GFRA2: variants seen among roughly 807,000 people sequenced by gnomAD.
The protein encoded by GFRA2 is GDNF family receptor alpha-2.
Under a neutral mutation model 48.3 loss-of-function variants are expected in GFRA2, and 17 were observed. That is an observed-to-expected ratio of 0.35 (90% confidence interval 0.24 to 0.53). The LOEUF is 0.53. GFRA2 is among the 20% of genes least tolerant of loss of function. GFRA2 has a pLI of 0.93. For missense variants in GFRA2, 660 were observed against 637.3 expected (o/e 1.04, Z -0.38); for synonymous variants, 305 against 257.2 (o/e 1.19, Z -1.78).
At chr8:21,802,241 C>T (rs1807785365) in intron 2 of GFRA2, among the ~76,000 whole-genome samples, 1 of 152,250 alleles carries the variant, frequency 6.6e-6, no homozygotes, top group Non-Finnish European at 1.5e-5. Context: ...TTGGTTAAAA[C>T]AGGGACAATG....
chr8:21,760,363 G>C (rs1277826815), intron 3 of GFRA2, among the ~76,000 whole-genome samples: 3 of 152,284 alleles, frequency 2.0e-5, no homozygotes, highest in Admixed American at 1.3e-4. Context: ...GGCTGGGGTG[G>C]GGTGGTGACT....
intron 2 of GFRA2, among the ~76,000 whole-genome samples, chr8:21,802,160 C>T (rs889237762): frequency 7.9e-5 from 12 of 152,220 alleles, no homozygotes; most frequent in East Asian, 7.7e-4. Flanking sequence ...ACTCAGGAGA[C>T]GGGGCTCACC....
At chr8:21,702,763 G>A (rs1802544355) in intron 7 of GFRA2, 42 bp downstream of exon 7, 2 of 1,529,606 alleles carry the variant, frequency 1.3e-6, no homozygotes, top group Non-Finnish European at 1.8e-6. Flanking sequence ...GCCACTTCCG[G>A]TGCCATGGTG....
chr8:21,715,983 T>G (rs1220638963), intron 4 of GFRA2, among the ~76,000 whole-genome samples: 1 of 152,178 alleles, frequency 6.6e-6, no homozygotes, highest in African/African-American at 2.4e-5. Context: ...AGCCAATTGA[T>G]TCTGTTTTTA....
At chr8:21,723,034 C>T (rs190455281) in intron 4 of GFRA2, among the ~76,000 whole-genome samples, 7 of 152,306 alleles carry the variant, frequency 4.6e-5, no homozygotes, top group East Asian at 1.9e-4. Context: ...CGTTACCAAC[C>T]GTCTCAAAAC....
At chr8:21,736,856 C>G (rs936989410) in intron 4 of GFRA2, among the ~76,000 whole-genome samples, 4 of 135,460 alleles carry the variant, frequency 3.0e-5, no homozygotes, top group African/African-American at 1.1e-4. Flanking sequence ...AAGTGAATTT[C>G]ATTTTGAGAA....
chr8:21,728,841 A>C (rs1255995842), intron 4 of GFRA2, among the ~76,000 whole-genome samples: 1 of 152,232 alleles, frequency 6.6e-6, no homozygotes, highest in Non-Finnish European at 1.5e-5. Flanking sequence ...TTTGACATGG[A>C]AATTCCTAAA....
At chr8:21,730,130 C>T (rs1207319322) in intron 4 of GFRA2, among the ~76,000 whole-genome samples, 1 of 152,064 alleles carries the variant, frequency 6.6e-6, no homozygotes, top group Non-Finnish European at 1.5e-5. Context: ...CCCGGCCAGG[C>T]GCGGTGGCTC....
At chr8:21,723,708 T>C (rs6587002) in intron 4 of GFRA2, among the ~76,000 whole-genome samples, 61,390 of 151,986 alleles carry the variant, frequency 0.4, 15,054 homozygotes, top group African/African-American at 0.7. Context: ...CTGGGAAATT[T>C]TGCAGCAAGA....
Position 21,744,425 on chromosome 8 carries a change from T to A in GFRA2, c.794+6163A>T, listed in dbSNP as rs534242615. ...ATGGCACGGAGCCAGCAAGGAGTTATTTATGTTCTCTTGGCAGACTAAGAG... is the reference window on the plus strand; with the variant it reads ...ATGGCACGGAGCCAGCAAGGAGTTAATTATGTTCTCTTGGCAGACTAAGAG... On this transcript the variant is annotated intron_variant, in intron 4 of 8. Transcript: ENST00000524240. Among the ~76,000 whole-genome samples, 10 of 152,180 alleles carry A rather than the reference T, an allele frequency of 6.6e-5. No individual in the cohort carries two copies. In the South Asian group the frequency reaches 2.1e-3, roughly 32 times the overall value.
upstream of GFRA2, among the ~76,000 whole-genome samples, chr8:21,791,180 A>G (rs1403763655): frequency 1.3e-5 from 2 of 152,130 alleles, no homozygotes; most frequent in African/African-American, 4.8e-5. Flanking sequence ...TGAATCATAT[A>G]TGTAGTTCTC....
chr8:21,757,406 G>T (rs1805622176), intron 3 of GFRA2, among the ~76,000 whole-genome samples: 1 of 152,020 alleles, frequency 6.6e-6, no homozygotes, highest in Non-Finnish European at 1.5e-5. Context: ...TTTATATTGA[G>T]CTGGGTTTAC....
intron 1 of GFRA2, among the ~76,000 whole-genome samples, chr8:21,809,569 C>T (rs1207875305): frequency 1.3e-5 from 2 of 152,076 alleles, no homozygotes; most frequent in African/African-American, 2.4e-5. Flanking sequence ...CCTCGTGATC[C>T]GCCCGCCTCG....
chr8:21,773,030 A>C (rs1488383916), intron 3 of GFRA2, among the ~76,000 whole-genome samples: 1 of 152,258 alleles, frequency 6.6e-6, no homozygotes, highest in Non-Finnish European at 1.5e-5. Flanking sequence ...TGTGCCCACC[A>C]TAGCATCCAC....
chr8:21,697,802 T>C (rs1443367325), intron 7 of GFRA2, among the ~76,000 whole-genome samples: 1 of 152,140 alleles, frequency 6.6e-6, no homozygotes, highest in Non-Finnish European at 1.5e-5. Flanking sequence ...AGTGAGTAAG[T>C]CCCATGAGAT....
chr8:21,757,999 T>C (rs1216515025), intron 3 of GFRA2, among the ~76,000 whole-genome samples: 3 of 152,176 alleles, frequency 2.0e-5, no homozygotes, highest in Non-Finnish European at 4.4e-5. Flanking sequence ...TGGTGTGCAA[T>C]GCACTCGGAG....
upstream of GFRA2, among the ~76,000 whole-genome samples, chr8:21,793,356 T>A (rs1807611507): frequency 6.6e-6 from 1 of 151,924 alleles, no homozygotes; most frequent in Non-Finnish European, 1.5e-5. Flanking sequence ...GTAATGAGGG[T>A]CCAACAGGGA....
At chr8:21,811,587 T>C (rs1368191630) in intron 1 of GFRA2, among the ~76,000 whole-genome samples, 1 of 152,014 alleles carries the variant, frequency 6.6e-6, no homozygotes, top group Non-Finnish European at 1.5e-5. Context: ...GAGCTTTACA[T>C]TCCCCATGTC....
At chr8:21,733,421 G>A (rs1170306926) in intron 4 of GFRA2, among the ~76,000 whole-genome samples, 1 of 152,174 alleles carries the variant, frequency 6.6e-6, no homozygotes, top group African/African-American at 2.4e-5. Flanking sequence ...TTCTTCCCCA[G>A]CATCGGCTTA....
Sources: allele counts gnomAD v4.1 joint callset (sites outside exome capture counted in the v4.1 genomes callset), GRCh38; gene constraint gnomAD v4.1.1; transcripts MANE v1.5; gene names NCBI Gene and HGNC (gene_info 2026-07-23, HGNC 2026-07-21).